The following RAD51D variants were observed in gnomAD, a reference collection of about 807,000 sequenced individuals.
RAD51D encodes the protein DNA repair protein RAD51 homolog 4.
In RAD51D, 38 loss-of-function variants were observed where a neutral mutation model predicts 44.1. The ratio of observed to expected loss-of-function variants is 0.86; its 90% CI spans 0.67 to 1.13. The LOEUF (loss-of-function observed/expected upper bound fraction) is 1.13, where lower values mean the gene tolerates loss of function less well. RAD51D is among the 50% of genes most tolerant of loss of function. The pLI, the probability that RAD51D is intolerant of heterozygous loss-of-function variation, is 0.00. For missense variants in RAD51D, 390 were observed against 414.0 expected, an observed-to-expected ratio of 0.94 and a Z score of 0.50; for synonymous variants, 141 against 166.6, an observed-to-expected ratio of 0.85 and a Z score of 1.18.
At position 35,103,509 on chromosome 17, in the gene RAD51D, AACC is replaced by A. The variant is rs730881944; in HGVS notation, c.609_611del (p.Val205del). The A allele has an allele frequency of 3.7e-6, 6 of 1,614,196 alleles. No individual in the cohort carries two copies. Among genetic ancestry groups the A allele is most frequent in the Non-Finnish European group, 5.1e-6 (6 of 1,180,036 alleles). On this transcript the variant is annotated inframe_deletion, in exon 7 of 10. Transcript: ENST00000345365. The surrounding 1 kb of genome is among the most constrained non-coding windows in gnomAD (Gnocchi z 4.1). ...AAACCACCGCAGTGACCGAGTCCAC[AACC>A]ACCACCTTCACAGTTCCTGAAGAAC...
Position 35,119,725 on chromosome 17 carries a change from G to T in RAD51D, c.-112C>A. On this transcript the variant is annotated 5_prime_UTR_variant, in exon 1 of 10. Transcript: ENST00000345365. Reference sequence around the variant, plus strand: ...CCCTTCCTAGAGAGGACACAGGCGCGCTGGCTGCCGGAGGAGAAAGGAGAG... The same window carrying T: ...CCCTTCCTAGAGAGGACACAGGCGCTCTGGCTGCCGGAGGAGAAAGGAGAG... 1 of 1,085,902 alleles carries T rather than the reference G, an allele frequency of 9.2e-7. No homozygotes were observed. The highest frequency in any genetic ancestry group is 1.4e-6 in the Non-Finnish European group (1 of 723,970). The allele number at this position is 1,085,902 out of a possible 1,614,324, so 67.3% of individuals were successfully genotyped here. A position where few individuals can be genotyped will look rare whatever the true frequency, so the allele number is the denominator to read the frequency against.
At chr17:35,105,544 G>T (rs904240635) in intron 6 of RAD51D, among the ~76,000 whole-genome samples, 1 of 152,180 alleles carries the variant, frequency 6.6e-6, no homozygotes, top group South Asian at 2.1e-4. Flanking sequence ...GTCATGCTTT[G>T]GGGTGAGAGG....
intron 3 of RAD51D, among the ~76,000 whole-genome samples, chr17:35,117,634 C>T (rs573669316): frequency 3.9e-5 from 6 of 152,226 alleles, no homozygotes; most frequent in African/African-American, 9.6e-5. Context: ...GGACTACAGG[C>T]GCCCGCCACC....
chr17:35,101,242 C>G lies in RAD51D; in HGVS notation c.862G>C (p.Gly288Arg), dbSNP rs1391505912. Residue 288 changes from glycine (G) to arginine (R), a missense_variant, in exon 9 of 10, where the codon GGC (glycine) becomes CGC (arginine). Transcript: ENST00000345365. ...GCCAGACACGCCATGCGCCGGCCGCCTGATGCTCCTGCTCCCTCGATGGTG... is the reference window on the plus strand; with the variant it reads ...GCCAGACACGCCATGCGCCGGCCGCGTGATGCTCCTGCTCCCTCGATGGTG... ...LDTIEGAGAS[G>R]GRRMACLAKS... The G allele has an allele frequency of 1.4e-5, 23 of 1,614,088 alleles. No individual in the cohort carries two copies. The highest frequency in any genetic ancestry group is 5.0e-5 in the Admixed American group (3 of 60,000).
At chr17:35,108,489 TTTCTC>T (rs2091637033) in intron 3 of RAD51D, among the ~76,000 whole-genome samples, 1 of 144,988 alleles carries the variant, frequency 6.9e-6, no homozygotes, top group African/African-American at 2.6e-5. Flanking sequence ...GCAAGACCCT[TTTCTC>T]TTTAAAAAAA....
chr17:35,115,956 G>GAAAGAAAGAAAGAAA (rs71366411), intron 3 of RAD51D, among the ~76,000 whole-genome samples: 6 of 65,272 alleles, frequency 9.2e-5, no homozygotes, highest in African/African-American at 2.4e-4. Flanking sequence ...AAGGAAGAAA[G>GAAAGAAAGAAAGAAA]GAAAGAAAGA....
Position 35,119,830 on chromosome 17 carries a change from G to A in RAD51D, c.-217C>T, listed in dbSNP as rs766699101. The A allele has an allele frequency of 4.4e-6, 3 of 683,360 alleles. No individual in the cohort carries two copies. Among genetic ancestry groups the A allele is most frequent in the South Asian group, 3.0e-5 (2 of 66,108 alleles). The allele number at this position is 683,360 out of a possible 1,614,324, so 42.3% of individuals were successfully genotyped here. ...GCCGGGATTCCCGCGCCCAGAGCCC[G>A]CCCGCCGGGTCGCGCCGCGCTGCCG... On this transcript the variant is annotated 5_prime_UTR_variant, in exon 1 of 10. Transcript: ENST00000345365.
chr17:35,100,533 A>G lies in RAD51D; in HGVS notation c.*420T>C. 1.9e-6 allele frequency: 1 copy of G among 540,204 alleles called. No individual in the cohort carries two copies. The highest frequency in any genetic ancestry group is 3.9e-5 in the East Asian group (1 of 25,908). 33.5% of individuals were successfully genotyped at this position (540,204 alleles called of 1,614,324 possible). A position where few individuals can be genotyped will look rare whatever the true frequency, so the allele number is the denominator to read the frequency against. On this transcript the variant is annotated 3_prime_UTR_variant, in exon 10 of 10. Coordinates refer to ENST00000345365, the MANE Select transcript of RAD51D (RefSeq NM_002878.4). ...AATGGAAAGGCAGAGACAAAAGAAAAAAAAGGCAGCAGCAGCAAAGGCAAG... is the reference window on the plus strand; with the variant it reads ...AATGGAAAGGCAGAGACAAAAGAAAGAAAAGGCAGCAGCAGCAAAGGCAAG...
rs1316513423 is a variant in RAD51D, at chr17:35,118,370, C to A, written c.263+131G>T. On this transcript the variant is annotated intron_variant, in intron 3 of 9. Coordinates refer to ENST00000345365, the MANE Select transcript of RAD51D (RefSeq NM_002878.4). ...TAGGATAAGAATTCAGATGTCCTGACCCCTTTCCTTCCCATCCATTATTGG... is the reference window on the plus strand; with the variant it reads ...TAGGATAAGAATTCAGATGTCCTGAACCCTTTCCTTCCCATCCATTATTGG... 1.3e-5 allele frequency: 10 copies of A among 765,910 alleles called. No homozygotes were observed. In the African/African-American group the frequency reaches 1.4e-4, roughly 11 times the overall value. 47.4% of individuals were successfully genotyped at this position (765,910 alleles called of 1,614,324 possible).
chr17:35,106,520 G>T, intron 5 of RAD51D, 39 bp from the exon 6 acceptor site: 1 of 1,492,558 alleles, frequency 6.7e-7, no homozygotes, highest in South Asian at 1.2e-5. Context: ...CTTTGGATAA[G>T]AGGGAGTAGG....
chr17:35,110,842 C>T (rs1371411754), intron 3 of RAD51D, among the ~76,000 whole-genome samples: 11 of 152,214 alleles, frequency 7.2e-5, no homozygotes, highest in African/African-American at 2.7e-4. Context: ...CGCGGTGGCT[C>T]ACGCCAGTGA....
At chr17:35,114,670 C>T (rs1251176976) in intron 3 of RAD51D, among the ~76,000 whole-genome samples, 2 of 152,052 alleles carry the variant, frequency 1.3e-5, no homozygotes, top group Non-Finnish European at 2.9e-5. Context: ...CCTGCCTGGG[C>T]AACAGAGCAA....
At chr17:35,117,667 T>C (rs1356049414) in intron 3 of RAD51D, among the ~76,000 whole-genome samples, 1 of 152,162 alleles carries the variant, frequency 6.6e-6, no homozygotes, top group East Asian at 1.9e-4. Context: ...TTTTTGTATG[T>C]TTAGTAGAGA....
rs920002237 is a variant in RAD51D, at chr17:35,103,429, C to A, written c.667+25G>T. 5 of 1,612,482 alleles carry A rather than the reference C, an allele frequency of 3.1e-6. No homozygotes were observed. In the South Asian group the frequency reaches 4.4e-5, roughly 14 times the overall value. ...GGGAGGCGAGGTCACATTCCACTGG[C>A]CCCAGGCTCTGCCACATCACTCACC... On this transcript the variant is annotated intron_variant, in intron 7 of 9. Coordinates refer to ENST00000345365, the MANE Select transcript of RAD51D (RefSeq NM_002878.4). This position sits in a 1 kb window ranked among gnomAD's most constrained non-coding sequence, Gnocchi z 4.1.
intron 3 of RAD51D, among the ~76,000 whole-genome samples, chr17:35,109,676 T>C (rs1351827121): frequency 6.6e-6 from 1 of 152,172 alleles, no homozygotes; most frequent in Non-Finnish European, 1.5e-5. Context: ...TTGAACTTTT[T>C]TTTTTTTTGA....
intron 3 of RAD51D, among the ~76,000 whole-genome samples, chr17:35,115,896 A>AAAGGAAGGAAGGAAGGAAGGAAGG (rs201705308): frequency 3.5e-5 from 3 of 84,716 alleles, no homozygotes; most frequent in Admixed American, 1.6e-4. Context: ...GGAAAGAAGG[A>AAAGGAAGGAAGGAAGGAAGGAAGG]AAGGAAGGAA....
chr17:35,118,812 G>C (rs764696017), intron 2 of RAD51D, among the ~76,000 whole-genome samples, 193 bp from the exon 3 acceptor site: 1 of 152,116 alleles, frequency 6.6e-6, no homozygotes, highest in Admixed American at 6.5e-5. Flanking sequence ...GCACGATCTC[G>C]GCTCACTGCA....
Position 35,119,709 on chromosome 17 carries a change from G to A in RAD51D, c.-96C>T. The A allele has an allele frequency of 7.8e-7, 1 of 1,285,716 alleles. No homozygotes were observed. Among genetic ancestry groups the A allele is most frequent in the Non-Finnish European group, 1.1e-6 (1 of 898,438 alleles). 79.6% of individuals were successfully genotyped at this position (1,285,716 alleles called of 1,614,324 possible). A position where few individuals can be genotyped will look rare whatever the true frequency, so the allele number is the denominator to read the frequency against. ...GACGCCCCTCCCCTACCCCTTCCTA[G>A]AGAGGACACAGGCGCGCTGGCTGCC... On this transcript the variant is annotated 5_prime_UTR_variant, in exon 1 of 10. Transcript: ENST00000345365.
chr17:35,110,437 G>T (rs766989302), intron 3 of RAD51D, among the ~76,000 whole-genome samples: 2 of 151,872 alleles, frequency 1.3e-5, no homozygotes, highest in African/African-American at 2.4e-5. Flanking sequence ...TTTTGATTAG[G>T]CCCCATTAAT....
Sources: gnomAD v4.1 joint callset for allele counts (sites outside exome capture counted in the v4.1 genomes callset) on GRCh38, gnomAD v4.1.1 for gene constraint, Gnocchi (gnomAD v3.1) non-coding constraint, MANE v1.5 for transcripts, NCBI Gene and HGNC (gene_info 2026-07-23, HGNC 2026-07-21) for gene names.